The following COL6A6 variants were observed in gnomAD, a reference collection of about 807,000 sequenced individuals.
The protein encoded by COL6A6 is collagen alpha-6(VI) chain.
A neutral mutation model predicts 208.6 loss-of-function variants in COL6A6; 183 were observed. The ratio of observed to expected loss-of-function variants is 0.88; its 90% CI spans 0.78 to 0.99. The LOEUF is 0.99. Among genes scored for constraint, COL6A6 ranks in the 50% least tolerant of loss-of-function variants. The pLI, the probability that COL6A6 is intolerant of heterozygous loss-of-function variation, is 0.00. For synonymous variants in COL6A6, 973 were observed against 1,011.8 expected, an observed-to-expected ratio of 0.96 and a Z score of 0.73; for missense variants, 2,816 against 2,815.2, an observed-to-expected ratio of 1.00 and a Z score of -0.01.
chr3:130,662,429 G>C, intron 35 of COL6A6, 121 bp downstream of exon 35: 1 of 877,156 alleles, frequency 1.1e-6, no homozygotes, highest in Non-Finnish European at 1.7e-6. Flanking sequence ...GGCACTTCAG[G>C]GTCAGAAAGG....
chr3:130,626,878 C>T (rs1481687341), intron 25 of COL6A6, among the ~76,000 whole-genome samples: 1 of 152,162 alleles, frequency 6.6e-6, no homozygotes, highest in Admixed American at 6.5e-5. Context: ...ATCCTTCCCC[C>T]ACTGCTCAGG....
Position 130,662,309 on chromosome 3 carries a change from G to A in COL6A6, c.6502+1G>A, listed in dbSNP as rs201329510. The A allele has an allele frequency of 9.6e-4, 1,541 of 1,608,018 alleles. 3 individuals are homozygous for A. The highest frequency in any genetic ancestry group is 1.1e-3 in the Non-Finnish European group (1,280 of 1,176,178). On this transcript the variant is annotated splice_donor_variant, in intron 35 of 36. Coordinates refer to ENST00000358511, the MANE Select transcript of COL6A6 (RefSeq NM_001102608.3). LOFTEE classifies it high-confidence loss of function. ...AAGTCCTTTATAAACTCAATCAGGC[G>A]TAAGTCATAAAATCTGTTGTTCTCT...
chr3:130,629,655 G>A (rs1275521446), intron 26 of COL6A6, among the ~76,000 whole-genome samples: 2 of 1,406 alleles, frequency 1.4e-3, no homozygotes, highest in Admixed American at 0.017. Context: ...GAGAAAGGTC[G>A]GGTTACCCTC....
intron 34 of COL6A6, among the ~76,000 whole-genome samples, chr3:130,660,792 A>G (rs1205418591): frequency 6.6e-6 from 1 of 152,162 alleles, no homozygotes; most frequent in Non-Finnish European, 1.5e-5. Flanking sequence ...CTCATCTCTA[A>G]CAATAAAATA....
At chr3:130,607,909 A>G (rs1029977200) in intron 21 of COL6A6, among the ~76,000 whole-genome samples, 2 of 152,204 alleles carry the variant, frequency 1.3e-5, no homozygotes, top group Admixed American at 1.3e-4. Flanking sequence ...TTTATTTCTT[A>G]TAGTTCTAGA....
rs1553724910 is a variant in COL6A6, at chr3:130,673,220, A to AAAAAAAAAAC, written c.6597-1977_6597-1968dup. Among the ~76,000 whole-genome samples, 11 of 129,638 alleles carry AAAAAAAAAAC rather than the reference A, an allele frequency of 8.5e-5. 1 individual carries two copies. The highest frequency in any genetic ancestry group is 3.2e-4 in the African/African-American group (11 of 34,430). 85.0% of individuals were successfully genotyped at this position (129,638 alleles called of 152,430 possible). On this transcript the variant is annotated intron_variant, in intron 36 of 36. Coordinates refer to ENST00000358511, the MANE Select transcript of COL6A6 (RefSeq NM_001102608.3). ...AAAACAAAAAAAACAAAAAAAACAA[A>AAAAAAAAAAC]AAAAAAAAACAAAACCCAAGTGCAA...
chr3:130,600,352 A>G (rs985556447), intron 20 of COL6A6, among the ~76,000 whole-genome samples: 12 of 152,226 alleles, frequency 7.9e-5, no homozygotes, highest in African/African-American at 2.7e-4. Context: ...TGACCCAGCA[A>G]TCCCATTACT....
At chr3:130,633,931 T>G (rs1239185425) in intron 26 of COL6A6, among the ~76,000 whole-genome samples, 1 of 36,586 alleles carries the variant, frequency 2.7e-5, no homozygotes, top group Admixed American at 6.0e-4. Flanking sequence ...AGGGATAGCA[T>G]TGGGAGATAT....
intron 36 of COL6A6, among the ~76,000 whole-genome samples, chr3:130,670,162 T>C (rs2108489592): frequency 6.6e-6 from 1 of 152,310 alleles, no homozygotes; most frequent in African/African-American, 2.4e-5. Context: ...AAAACAGGCC[T>C]GTGAATTAAG....
rs1252844805 is a variant in COL6A6, at chr3:130,565,244, G to C, written c.912G>C (p.Gly304=). The C allele has an allele frequency of 6.2e-7, 1 of 1,613,966 alleles. No individual in the cohort carries two copies. The highest frequency in any genetic ancestry group is 8.5e-7 in the Non-Finnish European group (1 of 1,179,868). Residue 304 remains glycine (G), a synonymous_variant, in exon 4 of 37, where the codon GGG becomes GGC. Coordinates refer to ENST00000358511, the MANE Select transcript of COL6A6 (RefSeq NM_001102608.3). ...TACAGAACCTTTCTCCCCGAACTGG[G>C]AAGGCCTATACTGGAGCTGCCATCA... is the stretch of plus-strand genomic sequence containing the variant. ...QHIQNLSPRT[G]KAYTGAAIKK...
intron 36 of COL6A6, among the ~76,000 whole-genome samples, chr3:130,671,157 C>CT (rs901874542): frequency 1.2e-4 from 18 of 152,246 alleles, no homozygotes; most frequent in African/African-American, 4.1e-4. Context: ...AGGAAGAAAG[C>CT]TTTTTTCCCT....
intron 4 of COL6A6, 39 bp from the exon 5 acceptor site, chr3:130,566,663 T>G: frequency 4.6e-6 from 7 of 1,506,378 alleles, no homozygotes; most frequent in Non-Finnish European, 6.3e-6. Context: ...TCTTCATGCT[T>G]GCTCAAATGC....
In COL6A6 at chr3:130,570,981, T is replaced by C. The variant is rs1053312506; in HGVS notation, c.2565T>C (p.Asp855=). The C allele has an allele frequency of 6.2e-7, 1 of 1,614,038 alleles. No homozygotes were observed. Among genetic ancestry groups the C allele is most frequent in the Non-Finnish European group, 8.5e-7 (1 of 1,179,888 alleles). Residue 855 remains aspartate (D), a synonymous_variant, in exon 7 of 37, where the codon GAT becomes GAC. Transcript: ENST00000358511. ...QVRFGALKYA[D]DPEVLFYLDD... ...GGTTTGGGGCTCTGAAGTATGCTGA[T>C]GACCCAGAGGTGCTGTTTTATCTGG...
chr3:130,554,729 T>A (rs2062728589), intron 1 of COL6A6, among the ~76,000 whole-genome samples: 1 of 152,154 alleles, frequency 6.6e-6, no homozygotes, highest in South Asian at 2.1e-4. Context: ...TCTTCTCATG[T>A]GCATGCATGT....
chr3:130,654,874 G>A (rs1006693255), intron 33 of COL6A6, among the ~76,000 whole-genome samples: 1 of 152,180 alleles, frequency 6.6e-6, no homozygotes, highest in African/African-American at 2.4e-5. Context: ...GGAGTGGTTA[G>A]GCAATGGCAC....
intron 7 of COL6A6, among the ~76,000 whole-genome samples, chr3:130,571,770 A>G (rs950170756): frequency 6.6e-6 from 1 of 150,590 alleles, no homozygotes; most frequent in East Asian, 1.9e-4. Context: ...AACTTCCAGG[A>G]CTCAGGTGAT....
chr3:130,560,568 AT>A, intron 2 of COL6A6, 140 bp downstream of exon 2: 3 of 653,144 alleles, frequency 4.6e-6, no homozygotes. Flanking sequence ...GGTAAGTCAA[AT>A]TCTTTGTAAG....
At chr3:130,590,531 A>G (rs576766195) in intron 12 of COL6A6, among the ~76,000 whole-genome samples, 11 of 128,500 alleles carry the variant, frequency 8.6e-5, no homozygotes, top group South Asian at 7.3e-4. Flanking sequence ...TCATTGTTCA[A>G]TTCCCACCTA....
At chr3:130,637,728 A>C (rs376138311) in intron 28 of COL6A6, among the ~76,000 whole-genome samples, 7 of 151,054 alleles carry the variant, frequency 4.6e-5, no homozygotes, top group African/African-American at 1.7e-4. Context: ...CTTCACCTTG[A>C]TTTTTTTTTC....
Sources: gnomAD v4.1 joint callset for allele counts (sites outside exome capture counted in the v4.1 genomes callset) on GRCh38, gnomAD v4.1.1 for gene constraint, MANE v1.5 for transcripts, NCBI Gene and HGNC (gene_info 2026-07-23, HGNC 2026-07-21) for gene names.